The following PTGFRN variants were observed in gnomAD, a reference collection of about 807,000 sequenced individuals.
PTGFRN encodes the protein prostaglandin F2 receptor negative regulator.
Under a neutral mutation model 83.2 loss-of-function variants are expected in PTGFRN, and 35 were observed. The observed-to-expected ratio is 0.42, with a 90% CI of 0.32 to 0.56. The LOEUF (loss-of-function observed/expected upper bound fraction) is 0.56, where lower values mean the gene tolerates loss of function less well. Among genes scored for constraint, PTGFRN ranks in the 20% least tolerant of loss-of-function variants. The pLI, the probability that PTGFRN is intolerant of heterozygous loss-of-function variation, is 0.11. For missense variants in PTGFRN, 1,051 were observed against 1,179.5 expected, an observed-to-expected ratio of 0.89 and a Z score of 1.60; for synonymous variants, 519 against 498.6, an observed-to-expected ratio of 1.04 and a Z score of -0.55.
intron 1 of PTGFRN, among the ~76,000 whole-genome samples, chr1:116,936,480 G>T (rs561163631): frequency 6.6e-6 from 1 of 152,290 alleles, no homozygotes; most frequent in South Asian, 2.1e-4. Context: ...AGGTACTTTT[G>T]CAGGTTGAGT....
intron 1 of PTGFRN, among the ~76,000 whole-genome samples, chr1:116,921,005 C>G (rs910636774): frequency 1.3e-5 from 2 of 152,160 alleles, no homozygotes; most frequent in African/African-American, 4.8e-5. Flanking sequence ...GAATTTCTTC[C>G]TTTTCATTGC....
intron 4 of PTGFRN, among the ~76,000 whole-genome samples, chr1:116,959,808 T>C (rs998573944): frequency 3.3e-5 from 5 of 152,000 alleles, no homozygotes; most frequent in Non-Finnish European, 7.4e-5. Context: ...ACCCTGTCTC[T>C]ACTAAAAAAA....
rs367965060 is a variant in PTGFRN, at chr1:116,952,421, G to GA, written c.1213+2855dup. Reference sequence around the variant, plus strand: ...ATCATGATAATGTTTTAGATGTTGAGAAAAAACCTCTTTTACTTAGAATGT... The same window carrying GA: ...ATCATGATAATGTTTTAGATGTTGAGAAAAAAACCTCTTTTACTTAGAATGT... On this transcript the variant is annotated intron_variant, in intron 4 of 8. Transcript: ENST00000393203. This position sits in a 1 kb window ranked among gnomAD's most constrained non-coding sequence, Gnocchi z 4.0. Among the ~76,000 whole-genome samples the GA allele has an allele frequency of 4.6e-5, 7 of 151,904 alleles. No homozygotes were observed. The highest frequency in any genetic ancestry group is 1.5e-4 in the African/African-American group (6 of 41,346).
At chr1:116,943,172 A>G (rs1570656626) in intron 2 of PTGFRN, among the ~76,000 whole-genome samples, 2 of 152,250 alleles carry the variant, frequency 1.3e-5, no homozygotes, top group East Asian at 1.9e-4. Flanking sequence ...GAACCCTGCC[A>G]TAGCTCAGAG....
intron 1 of PTGFRN, among the ~76,000 whole-genome samples, chr1:116,915,115 T>A (rs187154608): frequency 6.6e-6 from 1 of 152,352 alleles, no homozygotes; most frequent in African/African-American, 2.4e-5. Flanking sequence ...CCATTCTGTC[T>A]CTGCTAAGGA....
intron 7 of PTGFRN, among the ~76,000 whole-genome samples, chr1:116,979,623 G>A (rs1257031101): frequency 6.6e-6 from 1 of 152,114 alleles, no homozygotes; most frequent in Non-Finnish European, 1.5e-5. Flanking sequence ...CATGGGGAAA[G>A]GATTCCCTAT....
chr1:116,917,556 C>T (rs1479470189), intron 1 of PTGFRN, among the ~76,000 whole-genome samples: 1 of 152,182 alleles, frequency 6.6e-6, no homozygotes, highest in Non-Finnish European at 1.5e-5. Context: ...TGATCTCAGA[C>T]TTTTCAGCCC....
chr1:116,910,360 C>T (rs1649235252), intron 1 of PTGFRN, 108 bp downstream of exon 1: 4 of 1,044,768 alleles, frequency 3.8e-6, no homozygotes, highest in African/African-American at 1.7e-5. Flanking sequence ...GGTGCCCGGG[C>T]TGCTCCCGGG....
rs1649595407 is a variant in PTGFRN at position 116,923,949 on chromosome 1, C to A, written c.49+13697C>A. Among the ~76,000 whole-genome samples the A allele has an allele frequency of 6.6e-6, 1 of 152,068 alleles. No homozygotes were observed. The highest frequency in any genetic ancestry group is 6.5e-5 in the Admixed American group (1 of 15,274). ...GTCTAAATGTGGAGGATGACACACACACAGGAAGAGAGGTGGCATGGACGA... is the reference window on the plus strand; with the variant it reads ...GTCTAAATGTGGAGGATGACACACAAACAGGAAGAGAGGTGGCATGGACGA... On this transcript the variant is annotated intron_variant, in intron 1 of 8. Transcript: ENST00000393203. The surrounding 1 kb of genome is among the most constrained non-coding windows in gnomAD (Gnocchi z 4.0).
intron 4 of PTGFRN, among the ~76,000 whole-genome samples, chr1:116,955,090 A>G (rs1650450748): frequency 6.6e-6 from 1 of 152,198 alleles, no homozygotes; most frequent in African/African-American, 2.4e-5. Context: ...AGTGATTCTG[A>G]AGGCTTTTTA....
chr1:116,972,671 G>A (rs986980607), intron 6 of PTGFRN, among the ~76,000 whole-genome samples: 8 of 152,096 alleles, frequency 5.3e-5, no homozygotes, highest in African/African-American at 1.2e-4. Context: ...GCCTTCAATC[G>A]TTGCTTCCCA....
intron 1 of PTGFRN, among the ~76,000 whole-genome samples, chr1:116,916,963 G>C (rs1649419566): frequency 6.6e-6 from 1 of 152,096 alleles, no homozygotes; most frequent in Non-Finnish European, 1.5e-5. Context: ...GCAGTGAGGA[G>C]ACAGGAAATG....
chr1:116,972,462 C>A (rs1651030337), intron 6 of PTGFRN, among the ~76,000 whole-genome samples: 1 of 152,178 alleles, frequency 6.6e-6, no homozygotes, highest in South Asian at 2.1e-4. Flanking sequence ...GGAAAGCAAT[C>A]TGATGAATTC....
At chr1:116,956,463 G>T (rs1650494784) in intron 4 of PTGFRN, among the ~76,000 whole-genome samples, 1 of 152,228 alleles carries the variant, frequency 6.6e-6, no homozygotes, top group African/African-American at 2.4e-5. Flanking sequence ...ATTGATTTCA[G>T]GGTGGAGAAT....
At chr1:116,951,520 C>T (rs1025305870) in intron 4 of PTGFRN, among the ~76,000 whole-genome samples, 2 of 152,170 alleles carry the variant, frequency 1.3e-5, no homozygotes, top group African/African-American at 4.8e-5. Flanking sequence ...CCAGTACCCA[C>T]ACATGGATTT....
At chr1:116,959,890 C>T (rs924792573) in intron 4 of PTGFRN, among the ~76,000 whole-genome samples, 2 of 151,822 alleles carry the variant, frequency 1.3e-5, no homozygotes, top group African/African-American at 4.8e-5. Context: ...GCATGAGAAA[C>T]GCTGGAACCT....
intron 5 of PTGFRN, 152 bp from the exon 6 acceptor site, chr1:116,966,759 A>T (rs377579560): frequency 1.4e-5 from 11 of 797,740 alleles, no homozygotes; most frequent in Non-Finnish European, 7.7e-6. Flanking sequence ...ATAGATACAC[A>T]TGATTTTCTT....
chr1:116,927,255 C>T (rs1044427552), intron 1 of PTGFRN, among the ~76,000 whole-genome samples: 5 of 152,158 alleles, frequency 3.3e-5, no homozygotes, highest in Non-Finnish European at 7.3e-5. Flanking sequence ...TGGAACTACA[C>T]AGATAAGAGG....
intron 6 of PTGFRN, among the ~76,000 whole-genome samples, chr1:116,970,597 G>A: frequency 6.6e-6 from 1 of 152,176 alleles, no homozygotes; most frequent in African/African-American, 2.4e-5. Context: ...CAGCATAACA[G>A]ATAAAACCGC....
Sources: gnomAD v4.1 joint callset for allele counts (sites outside exome capture counted in the v4.1 genomes callset) on GRCh38, gnomAD v4.1.1 for gene constraint, Gnocchi (gnomAD v3.1) non-coding constraint, MANE v1.5 for transcripts, NCBI Gene and HGNC (gene_info 2026-07-23, HGNC 2026-07-21) for gene names.